Variants in PSEN2 observed in about 807,000 individuals in gnomAD.
PSEN2 encodes the protein presenilin-2.
A neutral mutation model predicts 49.1 loss-of-function variants in PSEN2; 32 were observed. The ratio of observed to expected loss-of-function variants is 0.65; its 90% confidence interval spans 0.49 to 0.88. PSEN2 has a LOEUF of 0.88. Among genes scored for constraint, PSEN2 ranks in the 40% least tolerant of loss-of-function variants. The pLI is 0.00. For synonymous variants in PSEN2, 255 were observed against 244.0 expected, an observed-to-expected ratio of 1.05 and a Z score of -0.42; for missense variants, 522 against 586.9, an observed-to-expected ratio of 0.89 and a Z score of 1.14.
chr1:226,890,774 A>G (rs1254712523), intron 9 of PSEN2: 1 of 186,332 alleles, frequency 5.4e-6, no homozygotes, highest in Non-Finnish European at 1.1e-5. Context: ...GGGCTTAAAT[A>G]GCCTGAATTT....
chr1:226,881,972 C>T lies in PSEN2; in HGVS notation c.65C>T (p.Ser22Leu), dbSNP rs552406611. 64 of 1,614,098 alleles carry T rather than the reference C, an allele frequency of 4.0e-5. No individual in the cohort carries two copies. The highest frequency in any genetic ancestry group is 4.9e-5 in the Non-Finnish European group (58 of 1,179,982). The change falls in exon 4 of 13, where the codon TCG becomes TTG. Residue 22 changes from serine to leucine, a missense_variant. Transcript: ENST00000366783. ...TGTGATGAGCGGACGTCCCTAATGT[C>T]GGCTGAGAGCCCCACGCCGCGCTCC... Reference protein sequence around the residue: ...EVCDERTSLMSAESPTPRSCQ... With the variant: ...EVCDERTSLMLAESPTPRSCQ...
At chr1:226,893,665 C>G (rs1661905693) in intron 11 of PSEN2, among the ~76,000 whole-genome samples, 1 of 152,222 alleles carries the variant, frequency 6.6e-6, no homozygotes, top group Non-Finnish European at 1.5e-5. Flanking sequence ...AGACTTCATA[C>G]TAAATTGTAC....
downstream of PSEN2, chr1:226,898,012 A>C (rs1662208943): frequency 6.6e-6 from 1 of 152,654 alleles, no homozygotes; most frequent in Non-Finnish European, 1.5e-5. Flanking sequence ...GCTAGAGTGC[A>C]ATGGCGTGAT....
chr1:226,875,587 C>T (rs1384253492), intron 3 of PSEN2, 37 bp downstream of exon 3: 2 of 152,218 alleles, frequency 1.3e-5, no homozygotes, highest in African/African-American at 4.8e-5. Context: ...TTTGAACCCT[C>T]TTTTTCCATT....
chr1:226,883,892 G>A lies in PSEN2; in HGVS notation c.329G>A (p.Arg110His), dbSNP rs747296921. Residue 110 changes from arginine (R) to histidine (H), a missense_variant, in exon 5 of 13, where the codon CGC becomes CAC. Coordinates refer to ENST00000366783, the MANE Select transcript of PSEN2 (RefSeq NM_000447.3). Reference protein sequence around the residue: ...IVVVATIKSVRFYTEKNGQLI... With the variant: ...IVVVATIKSVHFYTEKNGQLI... ...GTGGTAGCCACCATCAAGTCTGTGC[G>A]CTTCTACACAGAGAAGAATGGACAG... The A allele has an allele frequency of 1.5e-5, 24 of 1,591,784 alleles. 1 individual carries two copies. The highest frequency in any genetic ancestry group is 5.5e-5 in the South Asian group (5 of 90,854).
intron 2 of PSEN2, among the ~76,000 whole-genome samples, chr1:226,874,466 C>T (rs1486117851): frequency 6.6e-6 from 1 of 152,148 alleles, no homozygotes; most frequent in East Asian, 1.9e-4. Context: ...ATGGATATGT[C>T]CTTTCATTTG....
rs184098505 is a variant in PSEN2 at position 226,878,006 on chromosome 1, C to T, written c.-21+2456C>T. On this transcript the variant is annotated intron_variant, in intron 3 of 12. Coordinates refer to ENST00000366783, the MANE Select transcript of PSEN2 (RefSeq NM_000447.3). ...TCCTTTAACCCTACCCTCCCCAGCACAACTATCACAGATGTCAGGGAACCT... is the reference window on the plus strand; with the variant it reads ...TCCTTTAACCCTACCCTCCCCAGCATAACTATCACAGATGTCAGGGAACCT... 4.1e-3 allele frequency among the ~76,000 whole-genome samples: 622 copies of T among 152,308 alleles called. 18 individuals are homozygous for T. Among genetic ancestry groups the T allele is most frequent in the Non-Finnish European group, 1.8e-3 (121 of 68,020 alleles).
rs76729340 is a variant in PSEN2 at position 226,902,161 on chromosome 1, G to C, written c.1192-6361G>C. 0.018 allele frequency among the ~76,000 whole-genome samples: 2,780 copies of C among 152,278 alleles called. 194 individuals are homozygous for C. The East Asian group carries it at 0.2, about 11-fold the overall frequency. On this transcript the variant is annotated intron_variant, in intron 12 of 14. Coordinates refer to the PSEN2 transcript ENST00000676945. The stretch of plus-strand genomic sequence containing the variant: ...AAACTGCTCCACCTCAGGTCATCAG[G>C]CATTAGATTCTCATGTGGAGTGTGC...
In PSEN2 at chr1:226,891,788, T is replaced by C. The variant is rs1429871582; in HGVS notation, c.1016T>C (p.Val339Ala). The C allele has an allele frequency of 6.2e-7, 1 of 1,614,114 alleles. No individual in the cohort carries two copies. Among genetic ancestry groups the C allele is most frequent in the South Asian group, 1.1e-5 (1 of 91,080 alleles). The change falls in exon 11 of 13, where the codon GTC becomes GCC. Residue 339 changes from valine to alanine, a missense_variant. Val to Ala is a moderately conservative substitution (Grantham distance 64, BLOSUM62 0). Transcript: ENST00000366783. The part of the protein sequence containing the change: ...DSFGEPSYPE[V>A]FEPPLTGYPG... ...TTTGGGGAGCCTTCATACCCCGAAG[T>C]CTTTGAGCCTCCCTTGACTGGCTAC...
intron 12 of PSEN2, among the ~76,000 whole-genome samples, chr1:226,894,924 C>G (rs911532954): frequency 9.2e-5 from 14 of 152,226 alleles, no homozygotes; most frequent in African/African-American, 3.4e-4. Flanking sequence ...CACCCTGGTT[C>G]CCTGTGCTCA....
intron 3 of PSEN2, among the ~76,000 whole-genome samples, chr1:226,881,554 C>T (rs1201911539): frequency 6.6e-6 from 1 of 152,320 alleles, no homozygotes; most frequent in East Asian, 1.9e-4. Context: ...CCAGCATGAT[C>T]TTTGGTGCAT....
chr1:226,894,907 T>C (rs1359600554), intron 12 of PSEN2, among the ~76,000 whole-genome samples: 1 of 152,152 alleles, frequency 6.6e-6, no homozygotes, highest in African/African-American at 2.4e-5. Flanking sequence ...CCCAAAGATA[T>C]AGAAGGCACC....
chr1:226,883,980 G>T, intron 5 of PSEN2, 61 bp downstream of exon 5: 2 of 1,228,004 alleles, frequency 1.6e-6, no homozygotes, highest in Non-Finnish European at 2.3e-6. Context: ...GGGGGTGGGG[G>T]GCGCAGCAGC....
In PSEN2 at chr1:226,894,490, G is replaced by A. The variant is rs117025103; in HGVS notation, c.1191+365G>A. 6.5e-3 allele frequency among the ~76,000 whole-genome samples: 983 copies of A among 152,350 alleles called. 32 individuals carry two copies. In the East Asian group the frequency reaches 0.075, roughly 12 times the overall value. On this transcript the variant is annotated intron_variant, in intron 12 of 12. Transcript: ENST00000366783. ...TTGCAGAAAAGAAAATTGCTTAAGG[G>A]CCTTGCCCATGGGCGCAAAGCTAGT...
chr1:226,883,565 C>T (rs1294452800), intron 4 of PSEN2, 140 bp from the exon 5 acceptor site: 14 of 787,960 alleles, frequency 1.8e-5, no homozygotes, highest in Non-Finnish European at 2.2e-5. Flanking sequence ...TTTTCATATG[C>T]CCTAGTAGCT....
intron 6 of PSEN2, among the ~76,000 whole-genome samples, chr1:226,887,601 T>TA (rs1661444323): frequency 6.6e-6 from 1 of 152,156 alleles, no homozygotes; most frequent in African/African-American, 2.4e-5. Flanking sequence ...CCACTCTATC[T>TA]AAAATAGCAC....
chr1:226,885,415 G>T, intron 5 of PSEN2, 123 bp from the exon 6 acceptor site: 5 of 1,114,016 alleles, frequency 4.5e-6, no homozygotes, highest in Non-Finnish European at 6.4e-6. Flanking sequence ...ACTCCATCAG[G>T]GCAGCATGTG....
chr1:226,884,844 C>T (rs572516237), intron 5 of PSEN2, among the ~76,000 whole-genome samples: 2 of 152,210 alleles, frequency 1.3e-5, no homozygotes, highest in Non-Finnish European at 2.9e-5. Flanking sequence ...GCCCAGAAGT[C>T]GAGGCTGCAG....
At chr1:226,897,745 G>A (rs139814638), downstream of PSEN2, 21 of 155,476 alleles carry the variant, frequency 1.4e-4, no homozygotes, top group African/African-American at 2.2e-4. Context: ...TAAAACCCAC[G>A]TTCTGAAGTC....
Sources: allele counts gnomAD v4.1 joint callset (sites outside exome capture counted in the v4.1 genomes callset), GRCh38; gene constraint gnomAD v4.1.1; transcripts MANE v1.5; gene names NCBI Gene and HGNC (gene_info 2026-07-23, HGNC 2026-07-21).